Variants in LOXL2 observed in about 807,000 individuals in gnomAD.
LOXL2 encodes lysyl oxidase like 2, also known as lysyl oxidase homolog 2.
In LOXL2, 70 loss-of-function variants were observed where a neutral mutation model predicts 93.0. The observed-to-expected ratio is 0.75, with a 90% confidence interval of 0.62 to 0.92. The LOEUF (loss-of-function observed/expected upper bound fraction) is 0.92, where lower values mean the gene tolerates loss of function less well. Among genes scored for constraint, LOXL2 ranks in the 40% least tolerant of loss-of-function variants. LOXL2 has a pLI of 0.00. For missense variants in LOXL2, 973 were observed against 1,054.9 expected, an observed-to-expected ratio of 0.92 and a Z score of 1.08; for synonymous variants, 438 against 413.2, an observed-to-expected ratio of 1.06 and a Z score of -0.73.
chr8:23,324,041 C>T (rs1803540717), intron 6 of LOXL2, among the ~76,000 whole-genome samples: 1 of 152,194 alleles, frequency 6.6e-6, no homozygotes, highest in Admixed American at 6.5e-5. Context: ...GACATGAACT[C>T]CTGGAGAGCG....
chr8:23,401,028 A>G (rs956243724), intron 1 of LOXL2, among the ~76,000 whole-genome samples: 3 of 152,236 alleles, frequency 2.0e-5, no homozygotes, highest in African/African-American at 7.2e-5. Context: ...CTCTTCAGAG[A>G]GCAGCTGAGA....
At chr8:23,318,425 GCACACACACA>G (rs59051890) in intron 8 of LOXL2, among the ~76,000 whole-genome samples, 1,720 of 145,834 alleles carry the variant, frequency 0.012, 17 homozygotes, top group African/African-American at 0.026. Context: ...TTGGTTGATA[GCACACACACA>G]CACACACACA....
chr8:23,367,209 C>T (rs1225308668), intron 2 of LOXL2, among the ~76,000 whole-genome samples: 1 of 152,000 alleles, frequency 6.6e-6, no homozygotes, highest in Non-Finnish European at 1.5e-5. Flanking sequence ...CCACCATGCC[C>T]GGCTAATTTT....
chr8:23,328,375 T>G lies in LOXL2; in HGVS notation c.1150+7A>C. Reference sequence around the variant, plus strand: ...GAGAGGCCCCCTCTAGCCTCCCCATTCCTTACCTTGCCCCAGTCGGGAGCC... The same window carrying G: ...GAGAGGCCCCCTCTAGCCTCCCCATGCCTTACCTTGCCCCAGTCGGGAGCC... On this transcript the variant is annotated splice_region_variant and intron_variant, in intron 6 of 13. Transcript: ENST00000389131. 1.2e-6 allele frequency: 2 copies of G among 1,613,472 alleles called. No homozygotes were observed. The highest frequency in any genetic ancestry group is 1.7e-6 in the Non-Finnish European group (2 of 1,179,862).
At chr8:23,360,027 A>G in intron 3 of LOXL2, 63 bp downstream of exon 3, 1 of 1,471,948 alleles carries the variant, frequency 6.8e-7, no homozygotes, top group Non-Finnish European at 9.4e-7. Context: ...ATACGCAAAA[A>G]GCGAGTTGCA....
At chr8:23,328,615 C>A in intron 5 of LOXL2, 50 bp from the exon 6 acceptor site, 1 of 1,571,602 alleles carries the variant, frequency 6.4e-7, no homozygotes, top group Non-Finnish European at 8.7e-7. Flanking sequence ...GCACGTTCAG[C>A]GGGTGACCAC....
chr8:23,354,409 C>T (rs940753080), intron 3 of LOXL2, among the ~76,000 whole-genome samples: 2 of 152,146 alleles, frequency 1.3e-5, no homozygotes, highest in Non-Finnish European at 2.9e-5. Context: ...CATTCCTGGC[C>T]GCTTTTGAAT....
intron 9 of LOXL2, among the ~76,000 whole-genome samples, chr8:23,316,573 T>C (rs955833337): frequency 6.6e-6 from 1 of 151,990 alleles, no homozygotes; most frequent in Admixed American, 6.6e-5. Flanking sequence ...AAACAGGAAA[T>C]GCTCTACAGA....
At chr8:23,316,244 C>T (rs1203110093) in intron 9 of LOXL2, among the ~76,000 whole-genome samples, 1 of 152,214 alleles carries the variant, frequency 6.6e-6, no homozygotes, top group African/African-American at 2.4e-5. Flanking sequence ...CAACTAAAGA[C>T]CACAGAGGCT....
At chr8:23,301,702 G>T (rs991536612) in intron 12 of LOXL2, among the ~76,000 whole-genome samples, 1 of 152,168 alleles carries the variant, frequency 6.6e-6, no homozygotes, top group Non-Finnish European at 1.5e-5. Flanking sequence ...AAGAGGTGTG[G>T]GTTGCCTGAG....
intron 12 of LOXL2, among the ~76,000 whole-genome samples, chr8:23,299,955 C>T (rs535954775): frequency 9.2e-5 from 14 of 152,336 alleles, no homozygotes; most frequent in African/African-American, 2.9e-4. Context: ...AGCTGTGTCC[C>T]GCTGGGGCCC....
intron 1 of LOXL2, among the ~76,000 whole-genome samples, chr8:23,392,175 G>T (rs28589298): frequency 0.032 from 4,891 of 152,286 alleles, 276 homozygotes; most frequent in African/African-American, 0.11. Flanking sequence ...GGGGCAGCTG[G>T]CACAGAGACC....
At chr8:23,368,908 G>A (rs1052138700) in intron 1 of LOXL2, among the ~76,000 whole-genome samples, 3 of 152,106 alleles carry the variant, frequency 2.0e-5, no homozygotes, top group Non-Finnish European at 2.9e-5. Flanking sequence ...TGGCAACGGC[G>A]GGGACATGGG....
At chr8:23,362,801 A>T (rs1198434857) in intron 2 of LOXL2, among the ~76,000 whole-genome samples, 5 of 151,744 alleles carry the variant, frequency 3.3e-5, no homozygotes. Flanking sequence ...ATTTTTTTTT[A>T]ATTATAAAGT....
At chr8:23,353,592 C>T (rs1261244313) in intron 3 of LOXL2, among the ~76,000 whole-genome samples, 1 of 152,102 alleles carries the variant, frequency 6.6e-6, no homozygotes, top group Non-Finnish European at 1.5e-5. Context: ...TATGATGGCA[C>T]AGCCTGTATC....
intron 1 of LOXL2, among the ~76,000 whole-genome samples, chr8:23,389,208 T>C (rs1333272810): frequency 1.3e-5 from 2 of 152,050 alleles, no homozygotes; most frequent in Non-Finnish European, 2.9e-5. Context: ...GTCCTTTTCT[T>C]AGTGTCCTTT....
intron 3 of LOXL2, among the ~76,000 whole-genome samples, chr8:23,344,678 C>G (rs913860471): frequency 4.6e-5 from 7 of 151,500 alleles, no homozygotes; most frequent in East Asian, 3.9e-4. Context: ...TGCACTCTCC[C>G]TGTATGTGTC....
intron 1 of LOXL2, among the ~76,000 whole-genome samples, chr8:23,382,821 G>A (rs779777412): frequency 1.3e-5 from 2 of 152,108 alleles, no homozygotes; most frequent in African/African-American, 2.4e-5. Flanking sequence ...CTTCCTGCCT[G>A]GATCTTTCAA....
chr8:23,386,072 GC>G, intron 1 of LOXL2: 1 of 764,746 alleles, frequency 1.3e-6, no homozygotes, highest in South Asian at 1.3e-5. Flanking sequence ...AGACAGAAAG[GC>G]TACATGATTT....
Sources: allele counts gnomAD v4.1 joint callset (sites outside exome capture counted in the v4.1 genomes callset), GRCh38; gene constraint gnomAD v4.1.1; transcripts MANE v1.5; gene names NCBI Gene and HGNC (gene_info 2026-07-23, HGNC 2026-07-21).